MYO1D: variants seen among roughly 807,000 people sequenced by gnomAD.
MYO1D encodes the protein myosin ID.
Under a neutral mutation model 122.0 loss-of-function variants are expected in MYO1D, and 83 were observed. The ratio of observed to expected loss-of-function variants is 0.68; its 90% CI spans 0.57 to 0.82. The LOEUF (loss-of-function observed/expected upper bound fraction) is 0.82, where lower values mean the gene tolerates loss of function less well. Among genes scored for constraint, MYO1D ranks in the 40% least tolerant of loss-of-function variants. The pLI, the probability that MYO1D is intolerant of heterozygous loss-of-function variation, is 0.00. For missense variants in MYO1D, 1,157 were observed against 1,269.5 expected (o/e 0.91, Z 1.35); for synonymous variants, 464 against 446.9 (o/e 1.04, Z -0.48).
Position 32,772,697 on chromosome 17 carries a change from G to A in MYO1D, c.618+92C>T. 2.9e-6 allele frequency: 3 copies of A among 1,029,292 alleles called. No homozygotes were observed. The South Asian group carries it at 3.9e-5, about 13-fold the overall frequency. The allele number at this position is 1,029,292 out of a possible 1,614,324, so 63.8% of individuals were successfully genotyped here. On this transcript the variant is annotated intron_variant, in intron 5 of 21. Coordinates refer to ENST00000318217, the MANE Select transcript of MYO1D (RefSeq NM_015194.3). The stretch of plus-strand genomic sequence containing the variant: ...TGTTACGGGGCCAATGGAGATGAGT[G>A]ATGCATAGGACAGGGGAAAGCCCAA...
chr17:32,562,317 A>G (rs894776030), intron 21 of MYO1D, among the ~76,000 whole-genome samples: 1 of 139,556 alleles, frequency 7.2e-6, no homozygotes, highest in Non-Finnish European at 1.5e-5. Flanking sequence ...CTTTCCTTTG[A>G]CATCAAAAAG....
chr17:32,500,254 C>T (rs1191387374), intron 21 of MYO1D, among the ~76,000 whole-genome samples: 3 of 152,214 alleles, frequency 2.0e-5, no homozygotes, highest in African/African-American at 7.2e-5. Flanking sequence ...ACAACTTCAT[C>T]TGCTCACTTC....
intron 21 of MYO1D, among the ~76,000 whole-genome samples, chr17:32,561,092 A>G (rs1475063421): frequency 6.6e-6 from 1 of 151,614 alleles, no homozygotes. Flanking sequence ...TTGTATTTTT[A>G]GTAGAGACAG....
Position 32,771,173 on chromosome 17 carries a change from C to G in MYO1D, c.666G>C (p.Gln222His). 3 of 1,612,014 alleles carry G rather than the reference C, an allele frequency of 1.9e-6. No homozygotes were observed. The highest frequency in any genetic ancestry group is 2.5e-6 in the Non-Finnish European group (3 of 1,178,312). Residue 222 changes from glutamine to histidine, a missense_variant, in exon 6 of 22, where the codon CAG (glutamine) becomes CAC (histidine). Physicochemically the swap from Gln to His is conservative, Grantham distance 24. Transcript: ENST00000318217. ...TATAGTTGTAGGATGAAAGGGATTT[C>G]TGGAGATGTAGAGAGCGTAGCATTT... ...SEQMLRSLHLQKSLSSYNYIH... is the reference protein window; with the variant it reads ...SEQMLRSLHLHKSLSSYNYIH...
intron 16 of MYO1D, among the ~76,000 whole-genome samples, chr17:32,699,636 T>G (rs2089220632): frequency 6.6e-6 from 1 of 152,176 alleles, no homozygotes; most frequent in Admixed American, 6.5e-5. Context: ...AGATTGGTAT[T>G]TAAGGGTGAC....
At chr17:32,846,773 A>G (rs1164589492) in intron 1 of MYO1D, among the ~76,000 whole-genome samples, 1 of 152,150 alleles carries the variant, frequency 6.6e-6, no homozygotes, top group African/African-American at 2.4e-5. Context: ...TGAGGCCAGG[A>G]CTTTGAGACC....
chr17:32,780,656 G>A lies in MYO1D; in HGVS notation c.224C>T (p.Pro75Leu), dbSNP rs183740050. 4 of 1,614,042 alleles carry A rather than the reference G, an allele frequency of 2.5e-6. No homozygotes were observed. Among genetic ancestry groups the A allele is most frequent in the Non-Finnish European group, 2.5e-6 (3 of 1,180,026 alleles). Residue 75 changes from proline to leucine, a missense_variant, in exon 2 of 22, where the codon CCG (proline) becomes CTG (leucine). Pro to Leu is a moderately conservative substitution (Grantham distance 98). Transcript: ENST00000318217. ...QYKGRELYER[P>L]PHLFAIADAA... ...ATCCGCAATAGCAAAAAGGTGAGGC[G>A]GTCTCTCATACAGCTCACGGCCTTT...
At chr17:32,736,401 A>C (rs1264039005) in intron 14 of MYO1D, among the ~76,000 whole-genome samples, 2 of 152,194 alleles carry the variant, frequency 1.3e-5, no homozygotes, top group African/African-American at 2.4e-5. Flanking sequence ...AAGTCTCTTT[A>C]AAAAGGAGGA....
At chr17:32,519,528 C>T (rs1402574717) in intron 21 of MYO1D, among the ~76,000 whole-genome samples, 1 of 151,908 alleles carries the variant, frequency 6.6e-6, no homozygotes, top group Admixed American at 6.6e-5. Flanking sequence ...GCCAAGGCAA[C>T]GCCGGCCCCA....
chr17:32,872,075 T>C (rs879386744), intron 1 of MYO1D, among the ~76,000 whole-genome samples: 3 of 152,046 alleles, frequency 2.0e-5, no homozygotes, highest in African/African-American at 4.8e-5. Flanking sequence ...CAGAGACCCT[T>C]GGAAATTGGA....
chr17:32,843,674 G>A (rs1411289566), intron 1 of MYO1D, among the ~76,000 whole-genome samples: 2 of 152,132 alleles, frequency 1.3e-5, no homozygotes, highest in Non-Finnish European at 2.9e-5. Context: ...GAAAGGCAGT[G>A]GATTTCATCA....
At chr17:32,741,653 C>CAGGGAA (rs2089773500) in intron 13 of MYO1D, among the ~76,000 whole-genome samples, 1 of 152,150 alleles carries the variant, frequency 6.6e-6, no homozygotes, top group Non-Finnish European at 1.5e-5. Context: ...TTTGACTTCC[C>CAGGGAA]AAGCACGTTT....
chr17:32,766,260 C>G (rs2090055833), intron 7 of MYO1D, among the ~76,000 whole-genome samples: 3 of 152,276 alleles, frequency 2.0e-5, no homozygotes, highest in Admixed American at 1.3e-4. Flanking sequence ...ATTCAATAAG[C>G]AATACATACT....
intron 16 of MYO1D, among the ~76,000 whole-genome samples, chr17:32,683,326 T>C (rs1313374240): frequency 6.6e-6 from 1 of 152,250 alleles, no homozygotes; most frequent in African/African-American, 2.4e-5. Flanking sequence ...AGAGACGCTC[T>C]GTGTTTTAGA....
intron 21 of MYO1D, among the ~76,000 whole-genome samples, chr17:32,551,007 A>G (rs2087010637): frequency 1.3e-5 from 2 of 152,170 alleles, no homozygotes; most frequent in African/African-American, 2.4e-5. Context: ...ATAATTTTAG[A>G]ATATTTTCAT....
intron 21 of MYO1D, among the ~76,000 whole-genome samples, chr17:32,542,182 A>G (rs1910855312): frequency 6.6e-6 from 1 of 152,214 alleles, no homozygotes. Context: ...TGCACAGTGA[A>G]AAAGAGTAAG....
At chr17:32,843,061 TG>T (rs943174085) in intron 1 of MYO1D, among the ~76,000 whole-genome samples, 1 of 152,028 alleles carries the variant, frequency 6.6e-6, no homozygotes, top group Non-Finnish European at 1.5e-5. Context: ...AGCTAATTTT[TG>T]TATTTTTAGT....
intron 21 of MYO1D, among the ~76,000 whole-genome samples, chr17:32,566,945 C>T (rs1378712510): frequency 6.6e-6 from 1 of 150,656 alleles, no homozygotes; most frequent in Non-Finnish European, 1.5e-5. Context: ...TGGGGAGCGG[C>T]AGAGCTGGGA....
chr17:32,797,249 G>C (rs535880898), intron 1 of MYO1D, among the ~76,000 whole-genome samples: 1 of 152,292 alleles, frequency 6.6e-6, no homozygotes, highest in Admixed American at 6.5e-5. Context: ...GATTACAGGC[G>C]TAAGCCATCA....
Sources: allele counts gnomAD v4.1 joint callset (sites outside exome capture counted in the v4.1 genomes callset), GRCh38; gene constraint gnomAD v4.1.1; transcripts MANE v1.5; gene names NCBI Gene and HGNC (gene_info 2026-07-23, HGNC 2026-07-21).